The following KIAA1328 variants were observed in gnomAD, a reference collection of about 807,000 sequenced individuals.
KIAA1328 encodes the protein KIAA1328.
KIAA1328 carries 52 observed loss-of-function variants against 68.1 expected under a neutral mutation model. That is an observed-to-expected ratio of 0.76 (90% CI 0.61 to 0.96). The LOEUF is 0.96. Among genes scored for constraint, KIAA1328 ranks in the 40% least tolerant of loss-of-function variants. KIAA1328 has a pLI of 0.00. For synonymous variants in KIAA1328, 232 were observed against 239.4 expected, an observed-to-expected ratio of 0.97 and a Z score of 0.28; for missense variants, 641 against 677.6, an observed-to-expected ratio of 0.95 and a Z score of 0.60.
At chr18:37,225,506 A>T (rs1000952903), downstream of KIAA1328, among the ~76,000 whole-genome samples, 1 of 152,172 alleles carries the variant, frequency 6.6e-6, no homozygotes, top group East Asian at 1.9e-4. Context: ...GTCACATCCC[A>T]GTAGGTTTTT....
At chr18:36,924,748 A>T (rs2050051199) in intron 5 of KIAA1328, among the ~76,000 whole-genome samples, 1 of 152,180 alleles carries the variant, frequency 6.6e-6, no homozygotes, top group African/African-American at 2.4e-5. Flanking sequence ...TATTAGGTAT[A>T]GAAAGATAGG....
At chr18:36,896,234 A>G (rs1334925060) in intron 5 of KIAA1328, among the ~76,000 whole-genome samples, 1 of 152,146 alleles carries the variant, frequency 6.6e-6, no homozygotes, top group Admixed American at 6.6e-5. Flanking sequence ...TTTTTGAACA[A>G]TAATTTTTAA....
At position 37,029,284 on chromosome 18, in the gene KIAA1328, G is replaced by A. The variant is rs147458226; in HGVS notation, c.577-37606G>A. On this transcript the variant is annotated intron_variant, in intron 6 of 9. Coordinates refer to ENST00000280020, the MANE Select transcript of KIAA1328 (RefSeq NM_020776.3). ...TTCAGGAATTTATCCATTTCTTCTGGGTTTTCCAGTTTGTGTGCCTAGGGG... is the reference window on the plus strand; with the variant it reads ...TTCAGGAATTTATCCATTTCTTCTGAGTTTTCCAGTTTGTGTGCCTAGGGG... Among the ~76,000 whole-genome samples, 579 of 151,854 alleles carry A rather than the reference G, an allele frequency of 3.8e-3. 8 individuals are homozygous for A. Among genetic ancestry groups the A allele is most frequent in the Admixed American group, 0.021 (327 of 15,230 alleles).
chr18:37,229,215 G>A (rs1271931111), downstream of KIAA1328, among the ~76,000 whole-genome samples: 1 of 152,102 alleles, frequency 6.6e-6, no homozygotes, highest in African/African-American at 2.4e-5. Flanking sequence ...GAGGCCGGTG[G>A]GTGCCAGGCA....
intron 7 of KIAA1328, among the ~76,000 whole-genome samples, chr18:37,152,118 CAG>C (rs1240948198): frequency 8.7e-6 from 1 of 115,428 alleles, no homozygotes; most frequent in Non-Finnish European, 1.8e-5. Context: ...AAAAAAAAAA[CAG>C]ATTAGCAAGA....
At chr18:36,882,878 G>A (rs2048368782) in intron 4 of KIAA1328, among the ~76,000 whole-genome samples, 2 of 152,016 alleles carry the variant, frequency 1.3e-5, no homozygotes, top group African/African-American at 4.8e-5. Context: ...CTATGACCAT[G>A]GAGCATTGTT....
intron 5 of KIAA1328, among the ~76,000 whole-genome samples, chr18:36,953,995 CTTTTTTT>C (rs71168249): frequency 8.8e-5 from 10 of 113,548 alleles, no homozygotes; most frequent in Non-Finnish European, 1.6e-4. Flanking sequence ...CTGATTGTTT[CTTTTTTT>C]TTTTTTTTTT....
intron 5 of KIAA1328, among the ~76,000 whole-genome samples, chr18:36,893,102 C>T (rs1241573441): frequency 6.6e-6 from 1 of 151,984 alleles, no homozygotes; most frequent in African/African-American, 2.4e-5. Context: ...TAAAATTCAT[C>T]CCAATAAGAG....
chr18:36,979,491 G>GT (rs1314456688), intron 6 of KIAA1328, among the ~76,000 whole-genome samples: 1 of 152,164 alleles, frequency 6.6e-6, no homozygotes, highest in Non-Finnish European at 1.5e-5. Flanking sequence ...TGGAAGTGAT[G>GT]TAACTGTGGG....
At chr18:37,006,406 C>T (rs546167239) in intron 6 of KIAA1328, among the ~76,000 whole-genome samples, 3 of 151,982 alleles carry the variant, frequency 2.0e-5, no homozygotes, top group Non-Finnish European at 2.9e-5. Flanking sequence ...TTCTAAAATG[C>T]GTCAGATTAT....
intron 7 of KIAA1328, among the ~76,000 whole-genome samples, chr18:37,147,065 T>C (rs903487277): frequency 1.3e-5 from 2 of 152,130 alleles, no homozygotes; most frequent in Non-Finnish European, 2.9e-5. Context: ...CCATGTACTA[T>C]CTGCACAGTA....
intron 4 of KIAA1328, among the ~76,000 whole-genome samples, chr18:36,872,094 A>G (rs181454779): frequency 6.6e-6 from 1 of 152,278 alleles, no homozygotes; most frequent in East Asian, 1.9e-4. Context: ...ACATAGTTTC[A>G]GGAAGACGAG....
intron 4 of KIAA1328, among the ~76,000 whole-genome samples, chr18:36,847,945 A>G (rs1006344672): frequency 6.6e-6 from 1 of 151,734 alleles, no homozygotes; most frequent in African/African-American, 2.4e-5. Context: ...GCTGATGTAT[A>G]TGTCTATCCT....
chr18:36,864,612 T>G (rs1265691434), intron 4 of KIAA1328, among the ~76,000 whole-genome samples: 5 of 121,222 alleles, frequency 4.1e-5, no homozygotes, highest in Non-Finnish European at 8.9e-5. Context: ...TTTTTTTTTG[T>G]ACTGTCTTGG....
intron 6 of KIAA1328, among the ~76,000 whole-genome samples, chr18:37,035,437 G>A (rs1419069285): frequency 6.6e-6 from 1 of 152,178 alleles, no homozygotes; most frequent in East Asian, 1.9e-4. Context: ...GAGAACCTCT[G>A]TGCTAGTGTA....
At chr18:37,159,514 G>A (rs1177161593) in intron 7 of KIAA1328, among the ~76,000 whole-genome samples, 1 of 152,206 alleles carries the variant, frequency 6.6e-6, no homozygotes, top group Non-Finnish European at 1.5e-5. Flanking sequence ...GAGTGGAATA[G>A]TGAGAGATAA....
chr18:36,875,438 G>A (rs2048087871), intron 4 of KIAA1328, among the ~76,000 whole-genome samples: 2 of 152,092 alleles, frequency 1.3e-5, no homozygotes, highest in South Asian at 4.1e-4. Flanking sequence ...ATGGTGAATG[G>A]GAGTTCACTC....
downstream of KIAA1328, among the ~76,000 whole-genome samples, chr18:37,226,744 A>T (rs2060641464): frequency 6.8e-6 from 1 of 146,312 alleles, no homozygotes. Flanking sequence ...GTTATTATGA[A>T]GAATGCTGCC....
At chr18:37,029,889 A>G (rs1467734256) in intron 6 of KIAA1328, among the ~76,000 whole-genome samples, 1 of 152,082 alleles carries the variant, frequency 6.6e-6, no homozygotes, top group Non-Finnish European at 1.5e-5. Context: ...AATTTCTGTA[A>G]TTTATGTGGG....
Sources: gnomAD v4.1 joint callset for allele counts (sites outside exome capture counted in the v4.1 genomes callset) on GRCh38, gnomAD v4.1.1 for gene constraint, MANE v1.5 for transcripts, NCBI Gene and HGNC (gene_info 2026-07-23, HGNC 2026-07-21) for gene names.